The following PGCKA1 variants were observed in gnomAD, a reference collection of about 807,000 sequenced individuals.
The protein encoded by PGCKA1 is PDCD10 and GCKIII kinases associated 1.
the PGCKA1 span, among the ~76,000 whole-genome samples, chr4:37,475,523 C>T: frequency 6.6e-6 from 1 of 152,124 alleles, no homozygotes; most frequent in East Asian, 1.9e-4. Flanking sequence ...TTAACTCTGT[C>T]ACACTTAAAA....
chr4:37,468,361 T>C, the PGCKA1 span, among the ~76,000 whole-genome samples: 1 of 152,180 alleles, frequency 6.6e-6, no homozygotes, highest in Non-Finnish European at 1.5e-5. Flanking sequence ...TTCAGTGATA[T>C]AAACCTCCTC....
At chr4:37,590,385 T>C in the PGCKA1 span, 1 of 1,613,822 alleles carries the variant, frequency 6.2e-7, no homozygotes, top group East Asian at 2.2e-5. Context: ...CACAGCCCAC[T>C]GGGAATTCCA....
At chr4:37,583,036 C>T in the PGCKA1 span, among the ~76,000 whole-genome samples, 1 of 152,124 alleles carries the variant, frequency 6.6e-6, no homozygotes, top group Non-Finnish European at 1.5e-5. Context: ...AGAGTGTTCC[C>T]TTTCCCTTTA....
the PGCKA1 span, among the ~76,000 whole-genome samples, chr4:37,592,993 C>T: frequency 6.6e-6 from 1 of 152,162 alleles, no homozygotes; most frequent in Non-Finnish European, 1.5e-5. Flanking sequence ...GGACGGCACC[C>T]TTACAAATGC....
the PGCKA1 span, among the ~76,000 whole-genome samples, chr4:37,540,961 T>G: frequency 6.7e-6 from 1 of 149,540 alleles, no homozygotes; most frequent in African/African-American, 2.4e-5. Flanking sequence ...TTTTTTTCCT[T>G]TCATGGAAGT....
chr4:37,571,928 A>T, the PGCKA1 span, among the ~76,000 whole-genome samples: 1 of 150,952 alleles, frequency 6.6e-6, no homozygotes, highest in Non-Finnish European at 1.5e-5. Flanking sequence ...CGCCACACAC[A>T]GCCATATAGG....
the PGCKA1 span, chr4:37,590,811 CATCTGCTTTAATG>C: frequency 6.2e-7 from 1 of 1,614,174 alleles, no homozygotes. Flanking sequence ...AAGTTCTAAG[CATCTGCTTTAATG>C]AGAAGGGTCC....
At chr4:37,560,857 C>T in the PGCKA1 span, among the ~76,000 whole-genome samples, 2 of 152,142 alleles carry the variant, frequency 1.3e-5, no homozygotes, top group South Asian at 4.1e-4. Context: ...TTTCTTTCAA[C>T]TATCTTTTTC....
the PGCKA1 span, among the ~76,000 whole-genome samples, chr4:37,458,625 T>C: frequency 2.0e-5 from 3 of 152,186 alleles, no homozygotes; most frequent in Non-Finnish European, 2.9e-5. Context: ...GTTCATCACA[T>C]GTTGGCTCAA....
the PGCKA1 span, among the ~76,000 whole-genome samples, chr4:37,553,355 T>C: frequency 7.3e-6 from 1 of 137,378 alleles, no homozygotes; most frequent in African/African-American, 2.7e-5. Flanking sequence ...ATCTTTATAG[T>C]TCTTGGAGCT....
At chr4:37,461,358 G>A in the PGCKA1 span, among the ~76,000 whole-genome samples, 1 of 152,004 alleles carries the variant, frequency 6.6e-6, no homozygotes, top group African/African-American at 2.4e-5. Flanking sequence ...TGTGAATAAT[G>A]TCAATGGTGG....
At chr4:37,512,960 C>T in the PGCKA1 span, among the ~76,000 whole-genome samples, 2 of 151,978 alleles carry the variant, frequency 1.3e-5, no homozygotes, top group Non-Finnish European at 2.9e-5. Flanking sequence ...TAGTGGCACA[C>T]GCCTGTAATC....
At chr4:37,557,231 T>G in the PGCKA1 span, among the ~76,000 whole-genome samples, 1 of 152,340 alleles carries the variant, frequency 6.6e-6, no homozygotes, top group East Asian at 1.9e-4. Context: ...TACCACACAT[T>G]TATTCATTCA....
At chr4:37,499,725 TTTA>T in the PGCKA1 span, among the ~76,000 whole-genome samples, 1 of 151,928 alleles carries the variant, frequency 6.6e-6, no homozygotes, top group Non-Finnish European at 1.5e-5. Flanking sequence ...GTCTGTGTAT[TTTA>T]TTATTTTTTT....
At chr4:37,570,844 A>T in the PGCKA1 span, among the ~76,000 whole-genome samples, 6 of 152,208 alleles carry the variant, frequency 3.9e-5, no homozygotes, top group Non-Finnish European at 8.8e-5. Context: ...TTGGAATTGC[A>T]TAATAGAGGT....
chr4:37,473,653 G>A, the PGCKA1 span, among the ~76,000 whole-genome samples: 4 of 152,140 alleles, frequency 2.6e-5, no homozygotes, highest in African/African-American at 9.7e-5. Flanking sequence ...GGTTGTAGGG[G>A]ACACCCAGAA....
At chr4:37,564,960 A>G in the PGCKA1 span, among the ~76,000 whole-genome samples, 4 of 151,960 alleles carry the variant, frequency 2.6e-5, no homozygotes, top group East Asian at 5.8e-4. Context: ...CCCCGTACAC[A>G]CACACACGTA....
At chr4:37,520,480 C>G in the PGCKA1 span, among the ~76,000 whole-genome samples, 1 of 152,082 alleles carries the variant, frequency 6.6e-6, no homozygotes, top group Non-Finnish European at 1.5e-5. Flanking sequence ...ATGGTTCACT[C>G]TTGGTAGATT....
At chr4:37,513,433 CT>C in the PGCKA1 span, among the ~76,000 whole-genome samples, 1 of 152,210 alleles carries the variant, frequency 6.6e-6, no homozygotes, top group African/African-American at 2.4e-5. Context: ...GATTCTCTTC[CT>C]GGCTTGTAGA....
Sources: allele counts gnomAD v4.1 joint callset (sites outside exome capture counted in the v4.1 genomes callset), GRCh38; gene constraint gnomAD v4.1.1; transcripts MANE v1.5; gene names NCBI Gene and HGNC (gene_info 2026-07-23, HGNC 2026-07-21).